Variants in CBL observed in about 807,000 individuals in gnomAD.
CBL encodes the protein E3 ubiquitin-protein ligase CBL.
In CBL, 45 loss-of-function variants were observed where a neutral mutation model predicts 96.9. The ratio of observed to expected loss-of-function variants is 0.46; its 90% CI spans 0.37 to 0.60. The LOEUF is 0.60. Ranked by LOEUF, CBL falls within the 20% of genes least tolerant of loss-of-function variation. CBL has a pLI of 0.00. For missense variants in CBL, 1,024 were observed against 1,143.5 expected (o/e 0.90, Z 1.51); for synonymous variants, 420 against 426.8 (o/e 0.98, Z 0.20).
chr11:119,228,376 T>A (rs11217196), intron 1 of CBL, among the ~76,000 whole-genome samples: 1 of 151,856 alleles, frequency 6.6e-6, no homozygotes, highest in East Asian at 1.9e-4. Flanking sequence ...GAGGTCGAGG[T>A]GGGCGGATCA....
intron 9 of CBL, among the ~76,000 whole-genome samples, chr11:119,284,397 C>G (rs1949964437): frequency 6.6e-6 from 1 of 152,096 alleles, no homozygotes; most frequent in South Asian, 2.1e-4. Flanking sequence ...TCTCAAACTC[C>G]TAGGCTCAAG....
chr11:119,244,117 T>C (rs976626776), intron 2 of CBL, among the ~76,000 whole-genome samples: 3 of 152,098 alleles, frequency 2.0e-5, no homozygotes, highest in Non-Finnish European at 4.4e-5. Flanking sequence ...AATTTTCCCT[T>C]TTGTTGTAGT....
chr11:119,214,704 T>C (rs540482275), intron 1 of CBL, among the ~76,000 whole-genome samples: 443 of 152,338 alleles, frequency 2.9e-3, no homozygotes, highest in Middle Eastern at 6.8e-3. Flanking sequence ...TTTCCAGTTA[T>C]ACTTAATTTA....
intron 12 of CBL, among the ~76,000 whole-genome samples, chr11:119,292,094 C>T (rs976492556): frequency 1.3e-5 from 2 of 152,180 alleles, no homozygotes; most frequent in Non-Finnish European, 2.9e-5. Flanking sequence ...GTCAAATGAT[C>T]CACCTGCCTC....
At chr11:119,270,053 T>G (rs1949831727) in intron 2 of CBL, among the ~76,000 whole-genome samples, 1 of 152,094 alleles carries the variant, frequency 6.6e-6, no homozygotes. Flanking sequence ...TTTGAATACA[T>G]AAATACAAAT....
intron 2 of CBL, among the ~76,000 whole-genome samples, chr11:119,261,517 A>G (rs748050950): frequency 3.3e-5 from 5 of 152,208 alleles, no homozygotes; most frequent in Non-Finnish European, 7.3e-5. Flanking sequence ...TGATTGCATT[A>G]GCTTTCTAAA....
intron 2 of CBL, among the ~76,000 whole-genome samples, chr11:119,234,643 C>A (rs1949528346): frequency 1.3e-5 from 2 of 152,090 alleles, no homozygotes; most frequent in African/African-American, 2.4e-5. Context: ...GTACAAAATT[C>A]TGTTGGGAGC....
intron 1 of CBL, among the ~76,000 whole-genome samples, chr11:119,211,724 G>A (rs1303553721): frequency 1.3e-5 from 2 of 151,990 alleles, no homozygotes; most frequent in South Asian, 2.1e-4. Context: ...GGCTGGTCTC[G>A]AACTCCTGAC....
At chr11:119,290,750 A>T (rs1241355945) in intron 12 of CBL, among the ~76,000 whole-genome samples, 2 of 146,294 alleles carry the variant, frequency 1.4e-5, no homozygotes, top group African/African-American at 5.0e-5. Context: ...ATCTTGGCTC[A>T]CTGCAACCTC....
At chr11:119,221,021 G>A (rs189605196) in intron 1 of CBL, among the ~76,000 whole-genome samples, 3 of 152,090 alleles carry the variant, frequency 2.0e-5, no homozygotes, top group East Asian at 3.9e-4. Context: ...CGGGGTGGGC[G>A]ATCATTTGAG....
Position 119,278,164 on chromosome 11 carries a change from A to C in CBL, c.1096-2A>C. 6.3e-7 allele frequency: 1 copy of C among 1,592,180 alleles called. No homozygotes were observed. The highest frequency in any genetic ancestry group is 8.6e-7 in the Non-Finnish European group (1 of 1,160,450). On this transcript the variant is annotated splice_acceptor_variant, in intron 7 of 15. Transcript: ENST00000264033. LOFTEE classifies it high-confidence loss of function. ...TAGTCTTTTAATTTTTTTTAATCAA[A>C]GGAACAATATGAATTATACTGTGAG...
intron 2 of CBL, among the ~76,000 whole-genome samples, chr11:119,250,950 C>T (rs148156919): frequency 1.3e-5 from 2 of 151,834 alleles, no homozygotes; most frequent in Non-Finnish European, 2.9e-5. Flanking sequence ...GACTCTGTCT[C>T]AAAAATAAAA....
At chr11:119,255,548 T>C (rs1469342942) in intron 2 of CBL, among the ~76,000 whole-genome samples, 21 of 152,034 alleles carry the variant, frequency 1.4e-4, no homozygotes, top group Non-Finnish European at 1.5e-5. Flanking sequence ...TATATAAAAA[T>C]ACATATTTTA....
rs112360309 is a variant in CBL, at chr11:119,306,941, GAA to G, written c.*7172_*7173del. 434 of 198,060 alleles carry G rather than the reference GAA, an allele frequency of 2.2e-3. No homozygotes were observed. Among genetic ancestry groups the G allele is most frequent in the Non-Finnish European group, 2.7e-3 (274 of 99,824 alleles). 12.3% of individuals were successfully genotyped at this position (198,060 alleles called of 1,614,324 possible). A position where few individuals can be genotyped will look rare whatever the true frequency, so the allele number is the denominator to read the frequency against. ...AAAACAAAACAATTTTTAGCACACTGAAAAAAAAAAAAAGCCAAATGTTTTGT... is the reference window on the plus strand; with the variant it reads ...AAAACAAAACAATTTTTAGCACACTGAAAAAAAAAAAGCCAAATGTTTTGT... On this transcript the variant is annotated 3_prime_UTR_variant, in exon 16 of 16. Transcript: ENST00000264033.
At chr11:119,226,127 G>A (rs1441456972) in intron 1 of CBL, among the ~76,000 whole-genome samples, 9 of 152,178 alleles carry the variant, frequency 5.9e-5, no homozygotes, top group African/African-American at 2.2e-4. Flanking sequence ...CAATTCTTGT[G>A]TTACCTGCTG....
intron 2 of CBL, among the ~76,000 whole-genome samples, chr11:119,253,171 A>G (rs2135281617): frequency 6.6e-6 from 1 of 152,288 alleles, no homozygotes; most frequent in Middle Eastern, 3.4e-3. Flanking sequence ...ATTTCAAAGT[A>G]TAAACGTTAT....
At chr11:119,224,089 C>A (rs531119750) in intron 1 of CBL, among the ~76,000 whole-genome samples, 1 of 152,194 alleles carries the variant, frequency 6.6e-6, no homozygotes, top group East Asian at 1.9e-4. Context: ...TTGAGAAAAC[C>A]AGACATTTAG....
At chr11:119,290,174 T>A (rs999163355) in intron 12 of CBL, among the ~76,000 whole-genome samples, 2 of 151,844 alleles carry the variant, frequency 1.3e-5, no homozygotes, top group African/African-American at 4.8e-5. Context: ...GCCTCCCGAG[T>A]AGCTGGGACC....
Position 119,241,443 on chromosome 11 carries a change from G to A in CBL, c.443+8748G>A, listed in dbSNP as rs1695178953. The stretch of plus-strand genomic sequence containing the variant: ...AGGAAAAGGAAAAAAAATTAGTATT[G>A]AGTATTTTGTCTATGGTAGGCACTG... On this transcript the variant is annotated intron_variant, in intron 2 of 15. Coordinates refer to ENST00000264033, the MANE Select transcript of CBL (RefSeq NM_005188.4). Among the ~76,000 whole-genome samples, 9 of 152,156 alleles carry A rather than the reference G, an allele frequency of 5.9e-5. 1 individual carries two copies. The South Asian group carries it at 1.9e-3, about 31-fold the overall frequency.
Sources: gnomAD v4.1 joint callset for allele counts (sites outside exome capture counted in the v4.1 genomes callset) on GRCh38, gnomAD v4.1.1 for gene constraint, MANE v1.5 for transcripts, NCBI Gene and HGNC (gene_info 2026-07-23, HGNC 2026-07-21) for gene names.